NTNG1: variants seen among roughly 807,000 people sequenced by gnomAD.
NTNG1 encodes the protein netrin-G1.
In NTNG1, 16 loss-of-function variants were observed where a neutral mutation model predicts 54.0. That is an observed-to-expected ratio of 0.30 (90% CI 0.20 to 0.45). The LOEUF is 0.45. Ranked by LOEUF, NTNG1 falls within the 20% of genes least tolerant of loss-of-function variation. The probability of loss-of-function intolerance (pLI) is 1.00; values close to 1 mark genes in which losing one functional copy is unlikely to be tolerated. For missense variants in NTNG1, 530 were observed against 678.7 expected (o/e 0.78, Z 2.43); for synonymous variants, 255 against 263.1 (o/e 0.97, Z 0.30).
chr1:107,376,237 T>C (rs925430008), intron 3 of NTNG1, among the ~76,000 whole-genome samples: 2 of 150,616 alleles, frequency 1.3e-5, no homozygotes, highest in Non-Finnish European at 3.0e-5. Context: ...TGAAACCCCG[T>C]CTCTACTAAA....
intron 3 of NTNG1, among the ~76,000 whole-genome samples, chr1:107,376,867 T>C (rs1477766461): frequency 6.6e-6 from 1 of 152,212 alleles, no homozygotes; most frequent in Non-Finnish European, 1.5e-5. Flanking sequence ...CTGTTTATGT[T>C]CACAGCTCTG....
At chr1:107,234,503 C>A (rs1661276034) in intron 2 of NTNG1, among the ~76,000 whole-genome samples, 1 of 152,072 alleles carries the variant, frequency 6.6e-6, no homozygotes, top group Admixed American at 6.6e-5. Context: ...CTGTGGCAAG[C>A]ACTGTTCTAA....
At position 107,172,742 on chromosome 1, in the gene NTNG1, G is replaced by C. The variant is rs541665018; in HGVS notation, c.246+23903G>C. The stretch of plus-strand genomic sequence containing the variant: ...GATTAAGAGTTTGCCTTACATTATA[G>C]ACTCCTTGTCCCACGAGTCACTAGG... On this transcript the variant is annotated intron_variant, in intron 2 of 7. Coordinates refer to ENST00000370068, the MANE Select transcript of NTNG1 (RefSeq NM_001113226.3). 3.9e-5 allele frequency among the ~76,000 whole-genome samples: 6 copies of C among 152,230 alleles called. No homozygotes were observed. In the East Asian group the frequency reaches 1.2e-3, roughly 29 times the overall value.
intron 3 of NTNG1, among the ~76,000 whole-genome samples, chr1:107,353,107 A>G (rs1187264935): frequency 6.6e-6 from 1 of 152,246 alleles, no homozygotes; most frequent in Non-Finnish European, 1.5e-5. Flanking sequence ...TAAGTAAATT[A>G]ACATTTTTCT....
chr1:107,377,462 C>G (rs527278847), intron 3 of NTNG1, among the ~76,000 whole-genome samples: 2 of 152,288 alleles, frequency 1.3e-5, no homozygotes, highest in South Asian at 2.1e-4. Context: ...AGAATGCAGC[C>G]AGACCTCCTG....
chr1:107,279,626 A>G (rs1193831105), intron 2 of NTNG1, among the ~76,000 whole-genome samples: 1 of 152,118 alleles, frequency 6.6e-6, no homozygotes, highest in Non-Finnish European at 1.5e-5. Flanking sequence ...TTTCTAGAAT[A>G]CATCTTTAGC....
intron 2 of NTNG1, among the ~76,000 whole-genome samples, chr1:107,307,961 T>G (rs1666785067): frequency 6.6e-6 from 1 of 152,164 alleles, no homozygotes; most frequent in African/African-American, 2.4e-5. Context: ...TTGGGCCCAC[T>G]TAGGTCCTTC....
intron 2 of NTNG1, among the ~76,000 whole-genome samples, chr1:107,247,226 C>A (rs1422122659): frequency 6.6e-6 from 1 of 152,198 alleles, no homozygotes; most frequent in Non-Finnish European, 1.5e-5. Flanking sequence ...CACAACAGCA[C>A]CCTCAATCTT....
chr1:107,305,273 A>T (rs1380190046), intron 2 of NTNG1, among the ~76,000 whole-genome samples: 1 of 152,142 alleles, frequency 6.6e-6, no homozygotes, highest in Non-Finnish European at 1.5e-5. Context: ...GGCTGGGTCA[A>T]ATGGTATTTC....
At chr1:107,376,467 G>A (rs893824074) in intron 3 of NTNG1, among the ~76,000 whole-genome samples, 11 of 151,360 alleles carry the variant, frequency 7.3e-5, no homozygotes, top group Non-Finnish European at 5.9e-5. Flanking sequence ...CCATTTTACA[G>A]ATTGAGAAGC....
chr1:107,330,353 T>C (rs1429941033), intron 3 of NTNG1, among the ~76,000 whole-genome samples: 1 of 152,190 alleles, frequency 6.6e-6, no homozygotes, highest in African/African-American at 2.4e-5. Flanking sequence ...GTAAAGGCTA[T>C]TCTGGTGTAA....
intron 2 of NTNG1, among the ~76,000 whole-genome samples, chr1:107,239,153 G>C (rs1438282510): frequency 6.6e-6 from 1 of 152,194 alleles, no homozygotes; most frequent in Non-Finnish European, 1.5e-5. Context: ...TAACAGGAGA[G>C]TTAGGCCTAG....
At chr1:107,416,483 A>G (rs1286148511) in intron 5 of NTNG1, among the ~76,000 whole-genome samples, 1 of 152,078 alleles carries the variant, frequency 6.6e-6, no homozygotes, top group African/African-American at 2.4e-5. Flanking sequence ...CAGCAATTTG[A>G]AAGCAGAATG....
At chr1:107,147,527 A>G (rs1654215708) in intron 1 of NTNG1, among the ~76,000 whole-genome samples, 1 of 152,158 alleles carries the variant, frequency 6.6e-6, no homozygotes, top group Admixed American at 6.6e-5. Flanking sequence ...AAGATGCTAA[A>G]TTCTTCCAAT....
intron 2 of NTNG1, among the ~76,000 whole-genome samples, chr1:107,307,529 A>G (rs1190974830): frequency 1.3e-5 from 2 of 152,236 alleles, no homozygotes. Context: ...TTCATCTTGC[A>G]TAGATGAGAA....
At chr1:107,390,404 G>C (rs140747440) in intron 3 of NTNG1, among the ~76,000 whole-genome samples, 1 of 152,292 alleles carries the variant, frequency 6.6e-6, no homozygotes, top group African/African-American at 2.4e-5. Context: ...CCCCTGAGCT[G>C]TGTTCTTTTC....
intron 2 of NTNG1, among the ~76,000 whole-genome samples, chr1:107,167,902 T>G (rs1655928208): frequency 6.6e-6 from 1 of 152,090 alleles, no homozygotes; most frequent in Non-Finnish European, 1.5e-5. Flanking sequence ...TAATTGATGC[T>G]TCTTACCTTG....
intron 2 of NTNG1, among the ~76,000 whole-genome samples, chr1:107,261,707 G>C (rs4914943): frequency 6.7e-6 from 1 of 150,174 alleles, no homozygotes; most frequent in Non-Finnish European, 1.5e-5. Flanking sequence ...GCCGGGCGTG[G>C]TGGCGGGTGC....
At chr1:107,417,287 A>G (rs1470003020) in intron 5 of NTNG1, among the ~76,000 whole-genome samples, 1 of 152,098 alleles carries the variant, frequency 6.6e-6, no homozygotes, top group Non-Finnish European at 1.5e-5. Flanking sequence ...ATGTATGAGA[A>G]CACAGCGAAA....
Sources: gnomAD v4.1 joint callset for allele counts (sites outside exome capture counted in the v4.1 genomes callset) on GRCh38, gnomAD v4.1.1 for gene constraint, MANE v1.5 for transcripts, NCBI Gene and HGNC (gene_info 2026-07-23, HGNC 2026-07-21) for gene names.